The following KLF6 variants were observed in gnomAD, a reference collection of about 807,000 sequenced individuals.
The protein encoded by KLF6 is KLF transcription factor 6.
For synonymous variants in KLF6, 152 were observed against 147.9 expected, an observed-to-expected ratio of 1.03 and a Z score of -0.20; for missense variants, 233 against 359.8, an observed-to-expected ratio of 0.65 and a Z score of 2.85.
rs953997583 is a variant in KLF6, at chr10:3,785,202, C to A, written c.-188G>T. ...CCACACAATATTTGCAAACACCGGA[C>A]TGACTGCAAACGTAACCCCTGCAAA... On this transcript the variant is annotated 5_prime_UTR_variant, in exon 1 of 4. Coordinates refer to ENST00000497571, the MANE Select transcript of KLF6 (RefSeq NM_001300.6). 5 of 1,241,642 alleles carry A rather than the reference C, an allele frequency of 4.0e-6. No individual in the cohort carries two copies. Among genetic ancestry groups the A allele is most frequent in the Admixed American group, 2.0e-5 (1 of 50,178 alleles). The allele number at this position is 1,241,642 out of a possible 1,614,324, so 76.9% of individuals were successfully genotyped here.
intron 1 of KLF6, among the ~76,000 whole-genome samples, chr10:3,783,919 A>G (rs1227587253): frequency 1.3e-4 from 20 of 152,132 alleles, no homozygotes; most frequent in Non-Finnish European, 1.5e-5. Flanking sequence ...TTTGAGGAGG[A>G]AAAAAACAGG....
rs1313440557 is a variant in KLF6, at chr10:3,782,408, G to C, written c.103-194C>G. ...AGGAAATCTGTTTCTAGAATGGTAA[G>C]AATTCAGAGGAAAAGTCGGAGGGTG... On this transcript the variant is annotated intron_variant, in intron 1 of 3. Transcript: ENST00000497571. This position sits in a 1 kb window ranked among gnomAD's most constrained non-coding sequence, Gnocchi z 4.3. 6.6e-6 allele frequency among the ~76,000 whole-genome samples: 1 copy of C among 152,266 alleles called. No individual in the cohort carries two copies. Among genetic ancestry groups the C allele is most frequent in the South Asian group, 2.1e-4 (1 of 4,838 alleles).
At position 3,781,309 on chromosome 10, in the gene KLF6, C is replaced by T. The variant is rs938596008; in HGVS notation, c.676+332G>A. The T allele has an allele frequency of 1.1e-5, 11 of 989,962 alleles. 1 individual carries two copies. The highest frequency in any genetic ancestry group is 3.3e-5 in the African/African-American group (2 of 61,182). 61.3% of individuals were successfully genotyped at this position (989,962 alleles called of 1,614,324 possible). The stretch of plus-strand genomic sequence containing the variant: ...CAGGGCCGCTCGAGGTAGCCTCGTG[C>T]GAGTGCACTGGTGAAGGGGCAGTGG... On this transcript the variant is annotated intron_variant, in intron 2 of 3. Coordinates refer to ENST00000497571, the MANE Select transcript of KLF6 (RefSeq NM_001300.6). The surrounding 1 kb of genome is among the most constrained non-coding windows in gnomAD (Gnocchi z 5.8).
Position 3,780,508 on chromosome 10 carries a change from CA to C in KLF6, c.677-280del. ...GAAGAACGACCACGACTCAGACCAG[CA>C]AAATGCTTGCGGGATGAGGTGTCAG... On this transcript the variant is annotated intron_variant, in intron 2 of 3. Coordinates refer to ENST00000497571, the MANE Select transcript of KLF6 (RefSeq NM_001300.6). The surrounding 1 kb of genome is among the most constrained non-coding windows in gnomAD (Gnocchi z 4.6). The C allele has an allele frequency of 2.0e-6, 1 of 497,596 alleles. No homozygotes were observed. Among genetic ancestry groups the C allele is most frequent in the Non-Finnish European group, 3.7e-6 (1 of 270,322 alleles). 30.8% of individuals were successfully genotyped at this position (497,596 alleles called of 1,614,324 possible).
Position 3,781,847 on chromosome 10 carries a change from T to C in KLF6, c.470A>G (p.Glu157Gly). Residue 157 changes from glutamate (E) to glycine (G), a missense_variant, in exon 2 of 4, where the codon GAA becomes GGA. Glu to Gly is a moderately conservative substitution (Grantham distance 98, BLOSUM62 -2). Transcript: ENST00000497571. This position sits in a 1 kb window ranked among gnomAD's most constrained non-coding sequence, Gnocchi z 5.8. ...CACGCAACCCCACAGTTGAGAAGGT[T>C]CCCTGCTCAGTTCCGGAGAAGATGG... ...TPPSSPELSR[E>G]PSQLWGCVPG... The C allele has an allele frequency of 6.2e-7, 1 of 1,614,202 alleles. No individual in the cohort carries two copies. Among genetic ancestry groups the C allele is most frequent in the Non-Finnish European group, 8.5e-7 (1 of 1,180,026 alleles).
In KLF6 at chr10:3,779,122, T is replaced by C. The variant is rs757374703; in HGVS notation, c.*417A>G. ...AATGATTGGTGGTCATCTCATCTCA[T>C]GGTATACTCCTTACACACAAAACAT... is the stretch of plus-strand genomic sequence containing the variant. On this transcript the variant is annotated 3_prime_UTR_variant, in exon 4 of 4. Coordinates refer to ENST00000497571, the MANE Select transcript of KLF6 (RefSeq NM_001300.6). The C allele has an allele frequency of 3.9e-5, 21 of 537,468 alleles. No individual in the cohort carries two copies. The highest frequency in any genetic ancestry group is 6.1e-5 in the Non-Finnish European group (17 of 278,408). The allele number at this position is 537,468 out of a possible 1,614,324, so 33.3% of individuals were successfully genotyped here.
chr10:3,779,334 G>T lies in KLF6; in HGVS notation c.*205C>A. The T allele has an allele frequency of 5.9e-6, 4 of 678,778 alleles. No homozygotes were observed. The highest frequency in any genetic ancestry group is 1.1e-5 in the Non-Finnish European group (4 of 371,014). The allele number at this position is 678,778 out of a possible 1,614,324, so 42.0% of individuals were successfully genotyped here. ...GGCGGGTACCAGTGGCGAGTCCAGG[G>T]TCACCCACATACCATGCACCACGGG... On this transcript the variant is annotated 3_prime_UTR_variant, in exon 4 of 4. Transcript: ENST00000497571.
At position 3,782,261 on chromosome 10, in the gene KLF6, A is replaced by G; in HGVS notation, c.103-47T>C. ...AGGCACGTGATTGCCATGACGACCA[A>G]AAGTAAAAGCAAAAGCAATTTCCAA... On this transcript the variant is annotated intron_variant, in intron 1 of 3. Coordinates refer to ENST00000497571, the MANE Select transcript of KLF6 (RefSeq NM_001300.6). This position sits in a 1 kb window ranked among gnomAD's most constrained non-coding sequence, Gnocchi z 4.3. 6.6e-7 allele frequency: 1 copy of G among 1,519,644 alleles called. No individual in the cohort carries two copies. Among genetic ancestry groups the G allele is most frequent in the Non-Finnish European group, 9.0e-7 (1 of 1,107,396 alleles). The allele number at this position is 1,519,644 out of a possible 1,614,324, so 94.1% of individuals were successfully genotyped here.
rs1164042220 is a variant in KLF6 at position 3,777,527 on chromosome 10, C to G, written c.*2012G>C. The G allele has an allele frequency of 2.3e-5, 12 of 511,362 alleles. 1 individual carries two copies. The highest frequency in any genetic ancestry group is 1.8e-4 in the South Asian group (12 of 64,988). The allele number at this position is 511,362 out of a possible 1,614,324, so 31.7% of individuals were successfully genotyped here. A position where few individuals can be genotyped will look rare whatever the true frequency, so the allele number is the denominator to read the frequency against. ...TCTGAACGGCCGAAGGTGCCCCATT[C>G]CAGACCTGCCCATTTGATGGACAGA... On this transcript the variant is annotated 3_prime_UTR_variant, in exon 4 of 4. Transcript: ENST00000497571.
rs747359259 is a variant in KLF6, at chr10:3,776,529, C to CA, written c.*3009dup. 7.8e-5 allele frequency: 41 copies of CA among 522,766 alleles called. No individual in the cohort carries two copies. Among genetic ancestry groups the CA allele is most frequent in the East Asian group, 1.6e-4 (4 of 24,762 alleles). The allele number at this position is 522,766 out of a possible 1,614,324, so 32.4% of individuals were successfully genotyped here. On this transcript the variant is annotated 3_prime_UTR_variant, in exon 4 of 4. Coordinates refer to ENST00000497571, the MANE Select transcript of KLF6 (RefSeq NM_001300.6). The stretch of plus-strand genomic sequence containing the variant: ...ATCTGTTCCAACAACCCCCTTCCCC[C>CA]AAAAAAAACAACCAGACTCAAGATG...
At position 3,777,129 on chromosome 10, in the gene KLF6, T is replaced by TAAA; in HGVS notation, c.*2407_*2409dup. On this transcript the variant is annotated 3_prime_UTR_variant, in exon 4 of 4. Coordinates refer to ENST00000497571, the MANE Select transcript of KLF6 (RefSeq NM_001300.6). The stretch of plus-strand genomic sequence containing the variant: ...AGGTAAATGTATTCATCAGCCCAGA[T>TAAA]AAAAAAAAAACCAGTTATGTGAGCG... The TAAA allele has an allele frequency of 8.3e-6, 4 of 480,946 alleles. No homozygotes were observed. The highest frequency in any genetic ancestry group is 2.4e-5 in the Admixed American group (1 of 41,484). 29.8% of individuals were successfully genotyped at this position (480,946 alleles called of 1,614,324 possible).
chr10:3,779,021 TTTTTTG>T lies in KLF6; in HGVS notation c.*512_*517del, dbSNP rs1186762353. The T allele has an allele frequency of 1.5e-5, 8 of 529,290 alleles. No homozygotes were observed. The highest frequency in any genetic ancestry group is 2.2e-5 in the Non-Finnish European group (6 of 275,054). 32.8% of individuals were successfully genotyped at this position (529,290 alleles called of 1,614,324 possible). ...GCCCACCCTCCAAGATTTTCCTTCT[TTTTTTG>T]TTTTTGTTTTTTTGTTTTTTTGATT... On this transcript the variant is annotated 3_prime_UTR_variant, in exon 4 of 4. Coordinates refer to ENST00000497571, the MANE Select transcript of KLF6 (RefSeq NM_001300.6).
chr10:3,779,784 C>G (rs925881395), intron 3 of KLF6, among the ~76,000 whole-genome samples, 194 bp from the exon 4 acceptor site: 1 of 152,168 alleles, frequency 6.6e-6, no homozygotes, highest in East Asian at 1.9e-4. Flanking sequence ...TAAGAATGTC[C>G]CCCACCAGTG....
At position 3,778,668 on chromosome 10, in the gene KLF6, C is replaced by T. The variant is rs1477971595; in HGVS notation, c.*871G>A. On this transcript the variant is annotated 3_prime_UTR_variant, in exon 4 of 4. Coordinates refer to ENST00000497571, the MANE Select transcript of KLF6 (RefSeq NM_001300.6). ...CCAGGCCCGGATGGCTAGGGGGTCA[C>T]TGTATTAGACAGATTGGATCTTAGC... 1 of 520,060 alleles carries T rather than the reference C, an allele frequency of 1.9e-6. No individual in the cohort carries two copies. Among genetic ancestry groups the T allele is most frequent in the Non-Finnish European group, 3.7e-6 (1 of 267,750 alleles). 32.2% of individuals were successfully genotyped at this position (520,060 alleles called of 1,614,324 possible).
At chr10:3,784,850 C>T in intron 1 of KLF6, 63 bp downstream of exon 1, 7 of 1,520,304 alleles carry the variant, frequency 4.6e-6, no homozygotes, top group Non-Finnish European at 6.2e-6. Context: ...GGGTCTGAAC[C>T]CCAAACAGCC....
chr10:3,777,889 T>A lies in KLF6; in HGVS notation c.*1650A>T, dbSNP rs1355876324. On this transcript the variant is annotated 3_prime_UTR_variant, in exon 4 of 4. Coordinates refer to ENST00000497571, the MANE Select transcript of KLF6 (RefSeq NM_001300.6). ...GATAGCTAGACAGATATGTGAAACT[T>A]GTGCCTTTTAAGCAAATACATTAAC... is the stretch of plus-strand genomic sequence containing the variant. 4 of 489,218 alleles carry A rather than the reference T, an allele frequency of 8.2e-6. No homozygotes were observed. The highest frequency in any genetic ancestry group is 1.6e-5 in the Non-Finnish European group (4 of 248,938). The allele number at this position is 489,218 out of a possible 1,614,324, so 30.3% of individuals were successfully genotyped here.
At position 3,777,237 on chromosome 10, in the gene KLF6, A is replaced by C. The variant is rs1832408317; in HGVS notation, c.*2302T>G. On this transcript the variant is annotated 3_prime_UTR_variant, in exon 4 of 4. Coordinates refer to ENST00000497571, the MANE Select transcript of KLF6 (RefSeq NM_001300.6). ...ATGTGTGTATATATATATAAAGCAA[A>C]GAGCCACACCCACAAGCCAGCAGCT... 1 of 516,604 alleles carries C rather than the reference A, an allele frequency of 1.9e-6. No individual in the cohort carries two copies. The highest frequency in any genetic ancestry group is 3.8e-6 in the Non-Finnish European group (1 of 265,944). 32.0% of individuals were successfully genotyped at this position (516,604 alleles called of 1,614,324 possible). A position where few individuals can be genotyped will look rare whatever the true frequency, so the allele number is the denominator to read the frequency against.
At chr10:3,784,037 C>A (rs898778548) in intron 1 of KLF6, among the ~76,000 whole-genome samples, 2 of 152,152 alleles carry the variant, frequency 1.3e-5, no homozygotes, top group African/African-American at 4.8e-5. Context: ...GCTTGGAAAC[C>A]CACAGCCTCT....
chr10:3,784,480 A>ATTT (rs1564297226), intron 1 of KLF6, among the ~76,000 whole-genome samples: 2 of 152,210 alleles, frequency 1.3e-5, no homozygotes, highest in Non-Finnish European at 2.9e-5. Flanking sequence ...CAAAAATAAA[A>ATTT]GAGAGCTGGT....
Sources: allele counts gnomAD v4.1 joint callset (sites outside exome capture counted in the v4.1 genomes callset), GRCh38; gene constraint gnomAD v4.1.1; non-coding constraint Gnocchi (gnomAD v3.1); transcripts MANE v1.5; gene names NCBI Gene and HGNC (gene_info 2026-07-23, HGNC 2026-07-21).